The following ITGB8 variants were observed in gnomAD, a reference collection of about 807,000 sequenced individuals.
The protein encoded by ITGB8 is integrin subunit beta 8.
ITGB8 carries 30 observed loss-of-function variants against 89.5 expected under a neutral mutation model. The observed-to-expected ratio is 0.34, with a 90% CI of 0.25 to 0.45. ITGB8 has a LOEUF of 0.45. ITGB8 is among the 20% of genes least tolerant of loss of function. The probability of loss-of-function intolerance (pLI) is 1.00; values close to 1 mark genes in which losing one functional copy is unlikely to be tolerated. For synonymous variants in ITGB8, 335 were observed against 320.4 expected (o/e 1.05, Z -0.49); for missense variants, 836 against 933.3 (o/e 0.90, Z 1.36).
intron 1 of ITGB8, among the ~76,000 whole-genome samples, chr7:20,337,977 CAG>C (rs1784631222): frequency 6.6e-6 from 1 of 152,206 alleles, no homozygotes; most frequent in African/African-American, 2.4e-5. Context: ...GAGAGGTAAA[CAG>C]AGCTTGGACA....
At position 20,406,134 on chromosome 7, in the gene ITGB8, T is replaced by C. The variant is rs1787533618; in HGVS notation, c.1986T>C (p.Ala662=). 4 of 1,612,910 alleles carry C rather than the reference T, an allele frequency of 2.5e-6. No homozygotes were observed. In the Admixed American group the frequency reaches 5.0e-5, roughly 20 times the overall value. ...TTGATCAGTGCAAAACCTCATGTGC[T>C]CTCATGGAACAACAGCATTATGTCG... The part of the protein sequence containing the change: ...AILDQCKTSC[A]LMEQQHYVDQ... Residue 662 remains alanine, a synonymous_variant, in exon 12 of 14, where the codon GCT becomes GCC. Transcript: ENST00000222573.
At chr7:20,359,599 T>C (rs961121473) in intron 1 of ITGB8, among the ~76,000 whole-genome samples, 1 of 152,162 alleles carries the variant, frequency 6.6e-6, no homozygotes, top group Non-Finnish European at 1.5e-5. Context: ...CTTTGTTGTA[T>C]ATGCAGTGTA....
At chr7:20,330,108 A>T (rs113901635), upstream of ITGB8, among the ~76,000 whole-genome samples, 28 of 152,310 alleles carry the variant, frequency 1.8e-4, no homozygotes, top group African/African-American at 5.5e-4. Flanking sequence ...GCCCAGAGCC[A>T]CCACCAGACG....
At chr7:20,372,419 T>C (rs1464376034) in intron 3 of ITGB8, among the ~76,000 whole-genome samples, 1 of 151,634 alleles carries the variant, frequency 6.6e-6, no homozygotes, top group East Asian at 1.9e-4. Context: ...TCCACAGGAG[T>C]TGGTGATTGA....
chr7:20,392,766 G>A (rs945341448), intron 7 of ITGB8, among the ~76,000 whole-genome samples: 5 of 152,170 alleles, frequency 3.3e-5, no homozygotes, highest in Non-Finnish European at 7.3e-5. Flanking sequence ...GAGAACATGT[G>A]CTATTTTTCT....
At position 20,412,566 on chromosome 7, in the gene ITGB8, T is replaced by C. The variant is rs1787801487; in HGVS notation, c.*2569T>C. On this transcript the variant is annotated 3_prime_UTR_variant, in exon 14 of 14. Coordinates refer to ENST00000222573, the MANE Select transcript of ITGB8 (RefSeq NM_002214.3). ...TATATTTTTTTTATACCCTCACTTG[T>C]TTGCACTAACTTTATAGTGGACCAA... 6.6e-6 allele frequency: 1 copy of C among 152,620 alleles called. No individual in the cohort carries two copies. The highest frequency in any genetic ancestry group is 1.5e-5 in the Non-Finnish European group (1 of 68,022). 9.5% of individuals were successfully genotyped at this position (152,620 alleles called of 1,614,324 possible).
At position 20,404,674 on chromosome 7, in the gene ITGB8, G is replaced by A; in HGVS notation, c.1734G>A (p.Trp578Ter). 1 of 1,614,042 alleles carries A rather than the reference G, an allele frequency of 6.2e-7. No individual in the cohort carries two copies. Among genetic ancestry groups the A allele is most frequent in the Non-Finnish European group, 8.5e-7 (1 of 1,179,984 alleles). ...GCAGATGCCAATGCTTCAGTGGCTG[G>A]GAAGGTGATCGATGCCAGTGCCCTT... ...EAGRCQCFSG[W>*]EGDRCQCPSA... Residue 578 changes from tryptophan (W) to a stop codon, truncating the protein, a stop_gained, in exon 11 of 14, where the codon TGG becomes TGA. Transcript: ENST00000222573. LOFTEE classifies it high-confidence loss of function.
intron 8 of ITGB8, 23 bp downstream of exon 8, chr7:20,395,008 T>A (rs1399483891): frequency 7.0e-7 from 1 of 1,432,206 alleles, no homozygotes; most frequent in Non-Finnish European, 9.8e-7. Flanking sequence ...TAGATACAAT[T>A]TTTTAAATAA....
intron 6 of ITGB8, among the ~76,000 whole-genome samples, chr7:20,385,991 C>T (rs1484695910): frequency 2.6e-5 from 4 of 152,142 alleles, no homozygotes; most frequent in African/African-American, 4.8e-5. Flanking sequence ...CCGACAGAGA[C>T]GTGGCCTTTT....
chr7:20,371,876 A>C (rs1360324275), intron 3 of ITGB8, among the ~76,000 whole-genome samples: 1 of 152,184 alleles, frequency 6.6e-6, no homozygotes, highest in African/African-American at 2.4e-5. Context: ...AAAAAATTCG[A>C]TGTTCAGTTT....
intron 1 of ITGB8, among the ~76,000 whole-genome samples, chr7:20,360,708 G>A (rs1369731592): frequency 1.3e-5 from 2 of 150,158 alleles, no homozygotes; most frequent in African/African-American, 2.4e-5. Context: ...CATGGTGTGT[G>A]TATATATATA....
At chr7:20,374,422 A>G (rs2127954531) in intron 3 of ITGB8, among the ~76,000 whole-genome samples, 1 of 151,994 alleles carries the variant, frequency 6.6e-6, no homozygotes, top group African/African-American at 2.4e-5. Flanking sequence ...ATATGCATTT[A>G]CTATATAGGC....
chr7:20,345,767 G>C (rs1165661773), intron 1 of ITGB8, among the ~76,000 whole-genome samples: 1 of 152,156 alleles, frequency 6.6e-6, no homozygotes, highest in African/African-American at 2.4e-5. Context: ...TTGTAGAGAA[G>C]TTGCAGTTAC....
intron 1 of ITGB8, among the ~76,000 whole-genome samples, chr7:20,348,797 T>A (rs1439818053): frequency 6.6e-6 from 1 of 152,104 alleles, no homozygotes; most frequent in African/African-American, 2.4e-5. Flanking sequence ...CTGGGGAGAA[T>A]CTCATAAGTA....
chr7:20,331,632 G>C lies in ITGB8; in HGVS notation c.-175G>C. ...CGCAGGGGCCCTGAGATGCCGAGCG[G>C]TGCCCGGGCCCGCTTACCTGCACCG... On this transcript the variant is annotated 5_prime_UTR_variant, in exon 1 of 14. Coordinates refer to ENST00000222573, the MANE Select transcript of ITGB8 (RefSeq NM_002214.3). The C allele has an allele frequency of 1.5e-6, 1 of 665,912 alleles. No homozygotes were observed. Among genetic ancestry groups the C allele is most frequent in the Non-Finnish European group, 2.3e-6 (1 of 442,420 alleles). The allele number at this position is 665,912 out of a possible 1,614,324, so 41.3% of individuals were successfully genotyped here.
At chr7:20,395,008 T>C in intron 8 of ITGB8, 23 bp downstream of exon 8, 1 of 1,432,324 alleles carries the variant, frequency 7.0e-7, no homozygotes, top group Non-Finnish European at 9.8e-7. Flanking sequence ...TAGATACAAT[T>C]TTTTAAATAA....
chr7:20,360,068 G>A (rs1785441515), intron 1 of ITGB8, among the ~76,000 whole-genome samples: 1 of 152,098 alleles, frequency 6.6e-6, no homozygotes, highest in Non-Finnish European at 1.5e-5. Flanking sequence ...AGTATTGACA[G>A]GACCAACATT....
At chr7:20,358,717 TA>T (rs1220709822) in intron 1 of ITGB8, among the ~76,000 whole-genome samples, 1 of 152,166 alleles carries the variant, frequency 6.6e-6, no homozygotes, top group South Asian at 2.1e-4. Context: ...GTATTTTTTT[TA>T]AACTTTTATT....
intron 5 of ITGB8, chr7:20,381,398 G>A (rs12700191): frequency 0.43 from 72,828 of 167,982 alleles, 16,044 homozygotes; most frequent in Middle Eastern, 0.55. Context: ...TCCTGACCTC[G>A]TGATCCGCCC....
Sources: gnomAD v4.1 joint callset for allele counts (sites outside exome capture counted in the v4.1 genomes callset) on GRCh38, gnomAD v4.1.1 for gene constraint, MANE v1.5 for transcripts, NCBI Gene and HGNC (gene_info 2026-07-23, HGNC 2026-07-21) for gene names.